ST6GALNAC3: variants seen among roughly 807,000 people sequenced by gnomAD.
ST6GALNAC3 encodes alpha-N-acetylgalactosaminide alpha-2,6-sialyltransferase 3.
In ST6GALNAC3, 25 loss-of-function variants were observed where a neutral mutation model predicts 32.7. The observed-to-expected ratio is 0.76, with a 90% CI of 0.56 to 1.07. The LOEUF (loss-of-function observed/expected upper bound fraction) is 1.07, where lower values mean the gene tolerates loss of function less well. ST6GALNAC3 is among the 50% of genes least tolerant of loss of function. The pLI, the probability that ST6GALNAC3 is intolerant of heterozygous loss-of-function variation, is 0.00. For missense variants in ST6GALNAC3, 355 were observed against 382.4 expected, an observed-to-expected ratio of 0.93 and a Z score of 0.60; for synonymous variants, 129 against 133.1, an observed-to-expected ratio of 0.97 and a Z score of 0.21.
At chr1:76,191,564 G>A (rs1653898578) in intron 1 of ST6GALNAC3, among the ~76,000 whole-genome samples, 1 of 152,120 alleles carries the variant, frequency 6.6e-6, no homozygotes, top group Non-Finnish European at 1.5e-5. Flanking sequence ...AAATACATGA[G>A]GTGATGGTCA....
At chr1:76,347,198 G>C (rs2101010828) in intron 2 of ST6GALNAC3, among the ~76,000 whole-genome samples, 1 of 152,272 alleles carries the variant, frequency 6.6e-6, no homozygotes, top group Admixed American at 6.5e-5. Flanking sequence ...GCAAATCACT[G>C]CTGTCCAATA....
At chr1:76,450,246 G>T (rs1014507286) in intron 3 of ST6GALNAC3, among the ~76,000 whole-genome samples, 6 of 151,872 alleles carry the variant, frequency 4.0e-5, no homozygotes, top group East Asian at 1.9e-4. Context: ...ACTATTTTTT[G>T]ATTTTTTTAT....
intron 2 of ST6GALNAC3, among the ~76,000 whole-genome samples, chr1:76,352,497 CTTT>C (rs397706056): frequency 1.0e-4 from 12 of 116,174 alleles, no homozygotes; most frequent in East Asian, 5.2e-4. Context: ...TTTTGGTTTC[CTTT>C]TTTTTTTTTT....
intron 1 of ST6GALNAC3, among the ~76,000 whole-genome samples, chr1:76,143,392 CGTGTGTGTGTGTGTGTGTGTGTGT>C (rs4034974): frequency 7.0e-6 from 1 of 142,350 alleles, no homozygotes; most frequent in East Asian, 2.1e-4. Flanking sequence ...CTTACCAAGT[CGTGTGTGTGTGTGTGTGTGTGTGT>C]GTGTGTGTCC....
chr1:76,108,671 C>T (rs1465102985), intron 1 of ST6GALNAC3, among the ~76,000 whole-genome samples: 1 of 152,086 alleles, frequency 6.6e-6, no homozygotes, highest in African/African-American at 2.4e-5. Flanking sequence ...GTCTTCTGAG[C>T]CTGGGTATGA....
chr1:76,258,168 A>G (rs1365481174), intron 1 of ST6GALNAC3, among the ~76,000 whole-genome samples: 1 of 152,216 alleles, frequency 6.6e-6, no homozygotes, highest in African/African-American at 2.4e-5. Flanking sequence ...CATGTAATCT[A>G]AAGTGTTTTT....
At chr1:76,082,945 C>G (rs1305516438) in intron 1 of ST6GALNAC3, among the ~76,000 whole-genome samples, 1 of 151,638 alleles carries the variant, frequency 6.6e-6, no homozygotes, top group Non-Finnish European at 1.5e-5. Flanking sequence ...CACATTCATT[C>G]AATCTTATCT....
At chr1:76,545,800 G>A (rs1664261487) in intron 3 of ST6GALNAC3, among the ~76,000 whole-genome samples, 1 of 151,804 alleles carries the variant, frequency 6.6e-6, no homozygotes, top group Admixed American at 6.6e-5. Flanking sequence ...GGGATTACAG[G>A]CATGCCCCCC....
intron 1 of ST6GALNAC3, among the ~76,000 whole-genome samples, chr1:76,097,834 A>G (rs6691913): frequency 0.05 from 7,655 of 152,220 alleles, 668 homozygotes; most frequent in African/African-American, 0.18. Context: ...GCACATGTGC[A>G]TGCATTTCTG....
At chr1:76,597,458 T>A (rs1647155716) in intron 3 of ST6GALNAC3, among the ~76,000 whole-genome samples, 2 of 151,980 alleles carry the variant, frequency 1.3e-5, no homozygotes, top group African/African-American at 4.8e-5. Flanking sequence ...AATTCATAAG[T>A]TGAAATCCTA....
At chr1:76,524,610 T>G (rs894431933) in intron 3 of ST6GALNAC3, among the ~76,000 whole-genome samples, 4 of 152,096 alleles carry the variant, frequency 2.6e-5, no homozygotes, top group Non-Finnish European at 5.9e-5. Flanking sequence ...TGCATGAAGT[T>G]CAGAGTCAGT....
At chr1:76,339,768 G>A (rs1647804689) in intron 2 of ST6GALNAC3, among the ~76,000 whole-genome samples, 2 of 151,924 alleles carry the variant, frequency 1.3e-5, no homozygotes, top group Admixed American at 6.6e-5. Flanking sequence ...CTAGTGACAG[G>A]AGACTGATAA....
intron 3 of ST6GALNAC3, among the ~76,000 whole-genome samples, chr1:76,617,459 G>A (rs189470082): frequency 1.1e-3 from 163 of 152,208 alleles, no homozygotes; most frequent in Middle Eastern, 6.8e-3. Context: ...TATCAGGTTA[G>A]CAGGGAAACA....
At chr1:76,312,172 A>G (rs1470616154) in intron 1 of ST6GALNAC3, among the ~76,000 whole-genome samples, 3 of 147,558 alleles carry the variant, frequency 2.0e-5, no homozygotes, top group Non-Finnish European at 4.5e-5. Flanking sequence ...AAAACAAACA[A>G]TGGGGAAAGG....
At chr1:76,143,671 G>A (rs1441054508) in intron 1 of ST6GALNAC3, among the ~76,000 whole-genome samples, 6 of 151,966 alleles carry the variant, frequency 3.9e-5, no homozygotes, top group African/African-American at 1.2e-4. Flanking sequence ...TTCAGCCCAC[G>A]CCCATGCTGA....
At position 76,190,538 on chromosome 1, in the gene ST6GALNAC3, A is replaced by G. The variant is rs545870947; in HGVS notation, c.18+115654A>G. Among the ~76,000 whole-genome samples, 19 of 152,368 alleles carry G rather than the reference A, an allele frequency of 1.2e-4. No homozygotes were observed. In the East Asian group the frequency reaches 3.5e-3, roughly 28 times the overall value. ...TGATTTAGTGAGGTAATTTCTCACA[A>G]ATTTCAGAATTTCCCACAATCGTAC... On this transcript the variant is annotated intron_variant, in intron 1 of 4. Transcript: ENST00000328299.
At chr1:76,529,112 C>G (rs150523521) in intron 3 of ST6GALNAC3, among the ~76,000 whole-genome samples, 1 of 152,062 alleles carries the variant, frequency 6.6e-6, no homozygotes, top group East Asian at 1.9e-4. Flanking sequence ...TACATTTCCA[C>G]CAGTCAGAAG....
chr1:76,177,021 G>A (rs537815060), intron 1 of ST6GALNAC3, among the ~76,000 whole-genome samples: 2 of 152,192 alleles, frequency 1.3e-5, no homozygotes, highest in Non-Finnish European at 1.5e-5. Context: ...ACAACAGTGA[G>A]CTCTGATTGT....
intron 1 of ST6GALNAC3, chr1:76,142,771 A>G: frequency 2.3e-6 from 1 of 440,090 alleles, no homozygotes; most frequent in East Asian, 7.0e-5. Flanking sequence ...TGGAGAATGC[A>G]ATAGGCAGAA....
Sources: allele counts gnomAD v4.1 joint callset (sites outside exome capture counted in the v4.1 genomes callset), GRCh38; gene constraint gnomAD v4.1.1; transcripts MANE v1.5; gene names NCBI Gene and HGNC (gene_info 2026-07-23, HGNC 2026-07-21).